The following MEGF9 variants were observed in gnomAD, a reference collection of about 807,000 sequenced individuals.
MEGF9 encodes the protein multiple EGF like domains 9, also known as multiple epidermal growth factor-like domains protein 9.
In MEGF9, 6 loss-of-function variants were observed where a neutral mutation model predicts 46.8. The observed-to-expected ratio is 0.13, with a 90% CI of 0.07 to 0.25. The LOEUF is 0.25. MEGF9 is among the 10% of genes least tolerant of loss of function. The pLI is 1.00. For synonymous variants in MEGF9, 302 were observed against 330.7 expected (o/e 0.91, Z 0.94); for missense variants, 683 against 792.4 (o/e 0.86, Z 1.66).
At chr9:120,701,952 C>T (rs143105043) in intron 1 of MEGF9, among the ~76,000 whole-genome samples, 1 of 151,422 alleles carries the variant, frequency 6.6e-6, no homozygotes, top group Non-Finnish European at 1.5e-5. Context: ...CTGAGGCAGG[C>T]GAATAGCGTG....
At chr9:120,654,606 T>C (rs1217284523) in intron 2 of MEGF9, among the ~76,000 whole-genome samples, 1 of 152,224 alleles carries the variant, frequency 6.6e-6, no homozygotes, top group Non-Finnish European at 1.5e-5. Flanking sequence ...AATAAATGAC[T>C]TACTGGTTCA....
intron 2 of MEGF9, among the ~76,000 whole-genome samples, chr9:120,657,923 T>G (rs2043684797): frequency 6.6e-6 from 1 of 152,158 alleles, no homozygotes; most frequent in African/African-American, 2.4e-5. Context: ...TTTAAAATAT[T>G]AAGCATCAGA....
chr9:120,703,539 G>A (rs2043914536), intron 1 of MEGF9, among the ~76,000 whole-genome samples: 1 of 152,198 alleles, frequency 6.6e-6, no homozygotes, highest in Non-Finnish European at 1.5e-5. Flanking sequence ...CATATAATAT[G>A]TGCTCAGTTA....
intron 4 of MEGF9, among the ~76,000 whole-genome samples, chr9:120,611,860 G>A (rs201224057): frequency 0.073 from 3,366 of 46,252 alleles, 53 homozygotes; most frequent in Admixed American, 0.15. Context: ...AGGAAGGAAG[G>A]AAGAAAGAGA....
At chr9:120,685,583 C>T (rs2043818324) in intron 1 of MEGF9, among the ~76,000 whole-genome samples, 1 of 152,258 alleles carries the variant, frequency 6.6e-6, no homozygotes, top group African/African-American at 2.4e-5. Context: ...ACATCCCATT[C>T]ACTACTTTCT....
chr9:120,679,042 TCAA>T (rs1323448947), intron 1 of MEGF9, among the ~76,000 whole-genome samples: 1 of 152,166 alleles, frequency 6.6e-6, no homozygotes, highest in African/African-American at 2.4e-5. Context: ...GTAAACTAGT[TCAA>T]CGATTTTAGA....
At chr9:120,649,603 G>A (rs867961767) in intron 2 of MEGF9, among the ~76,000 whole-genome samples, 4 of 151,970 alleles carry the variant, frequency 2.6e-5, no homozygotes, top group Middle Eastern at 3.2e-3. Context: ...GGAATAACTA[G>A]GTAAATAATT....
chr9:120,659,292 C>T, intron 2 of MEGF9, 82 bp downstream of exon 2: 3 of 1,143,132 alleles, frequency 2.6e-6, no homozygotes, highest in South Asian at 1.6e-5. Context: ...TTGTTTAAAC[C>T]AGTATGGTCC....
intron 2 of MEGF9, among the ~76,000 whole-genome samples, chr9:120,657,048 A>G (rs897057132): frequency 6.6e-6 from 1 of 152,262 alleles, no homozygotes; most frequent in Non-Finnish European, 1.5e-5. Flanking sequence ...TTTTTCCAAA[A>G]AGGCCAAATA....
rs548987777 is a variant in MEGF9 at position 120,671,165 on chromosome 9, T to A, written c.602-11590A>T. 2.6e-5 allele frequency among the ~76,000 whole-genome samples: 4 copies of A among 152,358 alleles called. No individual in the cohort carries two copies. The East Asian group carries it at 7.7e-4, about 29-fold the overall frequency. On this transcript the variant is annotated intron_variant, in intron 1 of 5. Coordinates refer to ENST00000373930, the MANE Select transcript of MEGF9 (RefSeq NM_001080497.3). ...TTTCTTTGGTCTCCACGTCATTGGA[T>A]AAATCCATGAGCATTTACTGAGGAT... is the stretch of plus-strand genomic sequence containing the variant.
rs528975654 is a variant in MEGF9, at chr9:120,637,694, A to G, written c.804-14939T>C. Among the ~76,000 whole-genome samples, 8 of 141,346 alleles carry G rather than the reference A, an allele frequency of 5.7e-5. No individual in the cohort carries two copies. The South Asian group carries it at 2.0e-3, about 35-fold the overall frequency. 92.7% of individuals were successfully genotyped at this position (141,346 alleles called of 152,430 possible). A position where few individuals can be genotyped will look rare whatever the true frequency, so the allele number is the denominator to read the frequency against. On this transcript the variant is annotated intron_variant, in intron 2 of 5. Coordinates refer to ENST00000373930, the MANE Select transcript of MEGF9 (RefSeq NM_001080497.3). ...GTAATCCCAGCTACTCAGGAGGCTG[A>G]GGCAGAGAATTGCTTGAACCCGGGA...
At chr9:120,606,400 G>A (rs2043420608) in intron 5 of MEGF9, among the ~76,000 whole-genome samples, 1 of 152,182 alleles carries the variant, frequency 6.6e-6, no homozygotes, top group Non-Finnish European at 1.5e-5. Context: ...ATCTGCAAAG[G>A]AGGTGTAGGG....
At chr9:120,675,887 CAAAAAAAA>C (rs1173047863) in intron 1 of MEGF9, among the ~76,000 whole-genome samples, 1 of 58,170 alleles carries the variant, frequency 1.7e-5, no homozygotes, top group African/African-American at 7.2e-5. Context: ...GACTCCATCT[CAAAAAAAA>C]AAAAAAAAAA....
intron 2 of MEGF9, among the ~76,000 whole-genome samples, chr9:120,629,560 TC>T (rs1263276295): frequency 6.6e-6 from 1 of 151,508 alleles, no homozygotes; most frequent in African/African-American, 2.4e-5. Context: ...CTTGCTTGAA[TC>T]TGGGAGGCGG....
intron 1 of MEGF9, among the ~76,000 whole-genome samples, chr9:120,677,389 C>T (rs1034619047): frequency 1.3e-5 from 2 of 152,132 alleles, no homozygotes; most frequent in African/African-American, 4.8e-5. Context: ...CACCTCAGCC[C>T]CCAAAGTGCT....
intron 2 of MEGF9, among the ~76,000 whole-genome samples, chr9:120,645,450 T>C (rs2043621670): frequency 6.6e-6 from 1 of 152,170 alleles, no homozygotes; most frequent in Non-Finnish European, 1.5e-5. Context: ...CATCCATCCA[T>C]TAGGTTGTTC....
chr9:120,686,507 TTA>T (rs1164786042), intron 1 of MEGF9, among the ~76,000 whole-genome samples: 5 of 152,266 alleles, frequency 3.3e-5, no homozygotes, highest in Admixed American at 6.5e-5. Context: ...GTGGTCAGCT[TTA>T]TATGTTTTTT....
At chr9:120,707,208 G>A (rs1283875607) in intron 1 of MEGF9, among the ~76,000 whole-genome samples, 1 of 152,190 alleles carries the variant, frequency 6.6e-6, no homozygotes, top group Non-Finnish European at 1.5e-5. Context: ...AACATAGTAA[G>A]TGTGCTTGTA....
Position 120,714,231 on chromosome 9 carries a change from C to G in MEGF9, c.128G>C (p.Gly43Ala). Residue 43 changes from glycine to alanine, a missense_variant, in exon 1 of 6, where the codon GGT (glycine) becomes GCT (alanine). By Grantham distance (60) the Gly-to-Ala change is moderately conservative (BLOSUM62 0). This residue lies in a region of MEGF9 where 370 missense variants were observed against 371.3 expected (regional missense o/e 1.00). Coordinates refer to ENST00000373930, the MANE Select transcript of MEGF9 (RefSeq NM_001080497.3). Reference protein sequence around the residue: ...ASAASAGNVTGGGGAAGQVDA... With the variant: ...ASAASAGNVTAGGGAAGQVDA... ...CACCTGCCCCGCGGCCCCGCCGCCA[C>G]CGGTGACATTCCCCGCCGAGGCGGC... The G allele has an allele frequency of 1.6e-6, 2 of 1,237,482 alleles. No individual in the cohort carries two copies. Among genetic ancestry groups the G allele is most frequent in the Non-Finnish European group, 1.0e-6 (1 of 993,018 alleles). The allele number at this position is 1,237,482 out of a possible 1,614,324, so 76.7% of individuals were successfully genotyped here.
Sources: allele counts gnomAD v4.1 joint callset (sites outside exome capture counted in the v4.1 genomes callset), GRCh38; gene constraint gnomAD v4.1.1; regional missense constraint gnomAD v4.1.1; transcripts MANE v1.5; gene names NCBI Gene and HGNC (gene_info 2026-07-23, HGNC 2026-07-21).